GRM8: variants seen among roughly 807,000 people sequenced by gnomAD.
GRM8 encodes the protein glutamate metabotropic receptor 8, also known as metabotropic glutamate receptor 8.
GRM8 carries 47 observed loss-of-function variants against 87.2 expected under a neutral mutation model. The observed-to-expected ratio is 0.54, with a 90% CI of 0.43 to 0.69. The LOEUF is 0.69. Ranked by LOEUF, GRM8 falls within the 30% of genes least tolerant of loss-of-function variation. The pLI is 0.00. For synonymous variants in GRM8, 396 were observed against 404.5 expected, an observed-to-expected ratio of 0.98 and a Z score of 0.25; for missense variants, 1,019 against 1,139.2, an observed-to-expected ratio of 0.89 and a Z score of 1.52.
intron 2 of GRM8, among the ~76,000 whole-genome samples, chr7:127,207,170 G>A (rs1230083603): frequency 3.3e-5 from 5 of 152,202 alleles, no homozygotes; most frequent in African/African-American, 4.8e-5. Context: ...GCAAAATGAT[G>A]AAGCACATGG....
intron 8 of GRM8, among the ~76,000 whole-genome samples, chr7:126,552,789 A>G (rs959340175): frequency 5.3e-5 from 8 of 152,148 alleles, no homozygotes; most frequent in African/African-American, 1.9e-4. Context: ...TTCCAATGAT[A>G]AAATCATTCT....
intron 6 of GRM8, among the ~76,000 whole-genome samples, chr7:126,895,018 T>G (rs904317969): frequency 6.6e-6 from 1 of 152,084 alleles, no homozygotes; most frequent in African/African-American, 2.4e-5. Context: ...ACAATCTGCT[T>G]TGCAGACTTT....
rs145901528 is a variant in GRM8 at position 126,558,577 on chromosome 7, T to A, written c.1495-24690A>T. 4.1e-3 allele frequency among the ~76,000 whole-genome samples: 617 copies of A among 152,294 alleles called. 6 individuals carry two copies. Among genetic ancestry groups the A allele is most frequent in the African/African-American group, 0.014 (588 of 41,564 alleles). On this transcript the variant is annotated intron_variant, in intron 8 of 10. Transcript: ENST00000339582. ...TATAACCTACATGCATCCTACTGTA[T>A]ACTTGAAATCATCTCTAGGTTAATT...
In GRM8 at chr7:126,446,235, G is replaced by A; in HGVS notation, c.2568C>T (p.Phe856=). 1 of 1,613,072 alleles carries A rather than the reference G, an allele frequency of 6.2e-7. No individual in the cohort carries two copies. The highest frequency in any genetic ancestry group is 8.5e-7 in the Non-Finnish European group (1 of 1,179,422). The change falls in exon 10 of 11, where the codon TTC becomes TTT. Residue 856 remains phenylalanine (F), a synonymous_variant. Coordinates refer to ENST00000339582, the MANE Select transcript of GRM8 (RefSeq NM_000845.3). ...EQNVQKRKRS[F]KAVVTAATMQ... ...TGGTGGCAGCTGTCACCACAGCCTT[G>A]AAGCTCCTCTTGCGTTTTTGAACAT...
At chr7:126,854,810 C>A (rs1226230036) in intron 6 of GRM8, among the ~76,000 whole-genome samples, 2 of 152,182 alleles carry the variant, frequency 1.3e-5, no homozygotes, top group Non-Finnish European at 2.9e-5. Flanking sequence ...GTAATAATAA[C>A]TTACCTATTT....
intron 9 of GRM8, among the ~76,000 whole-genome samples, chr7:126,518,300 G>A (rs1313007032): frequency 6.6e-6 from 1 of 152,046 alleles, no homozygotes; most frequent in Non-Finnish European, 1.5e-5. Flanking sequence ...ATTTCCATAA[G>A]AGGAAAAACA....
intron 3 of GRM8, among the ~76,000 whole-genome samples, chr7:127,097,250 C>G (rs768842855): frequency 7.2e-5 from 11 of 152,136 alleles, no homozygotes; most frequent in Non-Finnish European, 1.6e-4. Flanking sequence ...AATCTCAACC[C>G]TTTTAAAGTG....
chr7:126,692,177 A>G (rs146307864), intron 7 of GRM8, among the ~76,000 whole-genome samples: 89 of 152,308 alleles, frequency 5.8e-4, no homozygotes, highest in African/African-American at 2.1e-3. Context: ...TTGACACAGA[A>G]GTGAGTGGGC....
chr7:126,748,365 G>A (rs1430626408), intron 7 of GRM8, among the ~76,000 whole-genome samples: 1 of 151,982 alleles, frequency 6.6e-6, no homozygotes, highest in African/African-American at 2.4e-5. Flanking sequence ...ACTAGAAATG[G>A]TTATTTTTTA....
At chr7:127,085,495 C>T (rs1209215314) in intron 3 of GRM8, among the ~76,000 whole-genome samples, 7 of 152,172 alleles carry the variant, frequency 4.6e-5, no homozygotes, top group Non-Finnish European at 7.3e-5. Context: ...TTTTAATGAT[C>T]GCCATTCTAA....
intron 8 of GRM8, among the ~76,000 whole-genome samples, chr7:126,597,249 A>AT (rs1453819064): frequency 6.6e-6 from 1 of 152,064 alleles, no homozygotes; most frequent in Non-Finnish European, 1.5e-5. Flanking sequence ...GAAATTTTTG[A>AT]TTCAGTCAAT....
chr7:127,110,247 T>C (rs1009214189), intron 2 of GRM8, among the ~76,000 whole-genome samples: 2 of 152,178 alleles, frequency 1.3e-5, no homozygotes, highest in Admixed American at 1.3e-4. Context: ...TCATTACCCC[T>C]GGGTGTGCCA....
intron 3 of GRM8, among the ~76,000 whole-genome samples, chr7:127,015,064 G>GAAGAAGAAGAAGAAGA (rs1554568485): frequency 4.8e-4 from 42 of 87,914 alleles, no homozygotes; most frequent in Admixed American, 3.2e-3. Context: ...AGAAGAAGAA[G>GAAGAAGAAGAAGAAGA]AAGAAAGAAA....
intron 7 of GRM8, among the ~76,000 whole-genome samples, chr7:126,711,006 C>T (rs916468524): frequency 1.1e-4 from 17 of 152,088 alleles, no homozygotes; most frequent in Non-Finnish European, 1.9e-4. Flanking sequence ...AACCCTGTCT[C>T]TACTAAAAAT....
intron 2 of GRM8, among the ~76,000 whole-genome samples, chr7:127,130,505 C>A (rs1263002234): frequency 6.6e-6 from 1 of 152,188 alleles, no homozygotes; most frequent in Non-Finnish European, 1.5e-5. Flanking sequence ...GAGTACAGGT[C>A]ACTCATGTTA....
chr7:126,903,747 GTATA>G (rs1563300746), intron 5 of GRM8, among the ~76,000 whole-genome samples: 29 of 110,650 alleles, frequency 2.6e-4, no homozygotes, highest in South Asian at 1.3e-3. Flanking sequence ...ATATATATAT[GTATA>G]TGTGTATATA....
At chr7:126,471,983 C>G (rs1388639955) in intron 9 of GRM8, among the ~76,000 whole-genome samples, 1 of 152,216 alleles carries the variant, frequency 6.6e-6, no homozygotes, top group South Asian at 2.1e-4. Context: ...CATGATTTGG[C>G]TCTCTGTCTG....
intron 9 of GRM8, among the ~76,000 whole-genome samples, chr7:126,457,586 T>G (rs543070576): frequency 4.6e-5 from 7 of 151,310 alleles, no homozygotes; most frequent in Non-Finnish European, 1.0e-4. Context: ...AATTAAACAA[T>G]ACATTTCTAA....
chr7:126,943,315 C>G lies in GRM8; in HGVS notation c.728-38632G>C, dbSNP rs1010100729. 2.0e-5 allele frequency among the ~76,000 whole-genome samples: 3 copies of G among 152,186 alleles called. 1 individual carries two copies. The highest frequency in any genetic ancestry group is 7.2e-5 in the African/African-American group (3 of 41,452). On this transcript the variant is annotated intron_variant, in intron 3 of 10. Coordinates refer to ENST00000339582, the MANE Select transcript of GRM8 (RefSeq NM_000845.3). ...GGGTTTCTGAGTCCCTTTTTTCTCTCTCCACTACCCAGAGCAAGCAGCCAG... is the reference window on the plus strand; with the variant it reads ...GGGTTTCTGAGTCCCTTTTTTCTCTGTCCACTACCCAGAGCAAGCAGCCAG...
Sources: gnomAD v4.1 joint callset for allele counts (sites outside exome capture counted in the v4.1 genomes callset) on GRCh38, gnomAD v4.1.1 for gene constraint, MANE v1.5 for transcripts, NCBI Gene and HGNC (gene_info 2026-07-23, HGNC 2026-07-21) for gene names.